PLCZ1: variants seen among roughly 807,000 people sequenced by gnomAD.
PLCZ1 encodes the protein 1-phosphatidylinositol 4,5-bisphosphate phosphodiesterase zeta-1.
Under a neutral mutation model 76.8 loss-of-function variants are expected in PLCZ1, and 64 were observed. That is an observed-to-expected ratio of 0.83 (90% CI 0.68 to 1.03). The LOEUF (loss-of-function observed/expected upper bound fraction) is 1.03. Among genes scored for constraint, PLCZ1 ranks in the 50% least tolerant of loss-of-function variants. PLCZ1 has a pLI of 0.00. For synonymous variants in PLCZ1, 248 were observed against 230.8 expected (o/e 1.07, Z -0.68); for missense variants, 751 against 713.7 (o/e 1.05, Z -0.60).
chr12:18,662,408 AC>A, the PLCZ1 span, among the ~76,000 whole-genome samples: 1 of 152,070 alleles, frequency 6.6e-6, no homozygotes, highest in Non-Finnish European at 1.5e-5. Context: ...TCCCAGATAA[AC>A]AAAAGCTGAG....
At chr12:18,680,416 A>G (rs1952302048), downstream of PLCZ1, among the ~76,000 whole-genome samples, 1 of 151,942 alleles carries the variant, frequency 6.6e-6, no homozygotes, top group African/African-American at 2.4e-5. Context: ...TTACAGCTAC[A>G]GGGAAGCTTC....
In PLCZ1 at chr12:18,733,949, G is replaced by T. The variant is rs186053283; in HGVS notation, c.135+2272C>A. Among the ~76,000 whole-genome samples, 658 of 152,014 alleles carry T rather than the reference G, an allele frequency of 4.3e-3. 6 individuals carry two copies. The highest frequency in any genetic ancestry group is 0.015 in the African/African-American group (628 of 41,476). On this transcript the variant is annotated intron_variant, in intron 3 of 14. Transcript: ENST00000266505. The stretch of plus-strand genomic sequence containing the variant: ...TTTAAGATTGGTTTTGGTTATTCAG[G>T]GTCTTTTTTGATTCCAATATGAATT...
chr12:18,663,306 G>T, the PLCZ1 span, among the ~76,000 whole-genome samples: 1 of 152,002 alleles, frequency 6.6e-6, no homozygotes, highest in African/African-American at 2.4e-5. Flanking sequence ...CAGATAATAC[G>T]ATCCTGTTTT....
the PLCZ1 span, among the ~76,000 whole-genome samples, chr12:18,666,812 A>T: frequency 6.6e-6 from 1 of 152,218 alleles, no homozygotes; most frequent in Non-Finnish European, 1.5e-5. Context: ...ATTAGGTTAC[A>T]GATGATAGTC....
At chr12:18,737,328 G>T in intron 2 of PLCZ1, 33 bp downstream of exon 2, 1 of 1,603,066 alleles carries the variant, frequency 6.2e-7, no homozygotes, top group Non-Finnish European at 8.5e-7. Flanking sequence ...GGAGAAAGAA[G>T]AAGAGGAGCA....
intron 7 of PLCZ1, among the ~76,000 whole-genome samples, chr12:18,703,234 A>G (rs1956172273): frequency 6.6e-6 from 1 of 152,208 alleles, no homozygotes; most frequent in African/African-American, 2.4e-5. Context: ...CTTATGCCAC[A>G]AAAGAACCGT....
rs963389514 is a variant in PLCZ1 at position 18,705,390 on chromosome 12, A to T, written c.715-75T>A. On this transcript the variant is annotated intron_variant, in intron 6 of 14. Transcript: ENST00000266505. ...TGTAAGGCAATTAATATAAGTGCTTAATGTATTTTAAAACTTACTTCTAAC... is the reference window on the plus strand; with the variant it reads ...TGTAAGGCAATTAATATAAGTGCTTTATGTATTTTAAAACTTACTTCTAAC... The T allele has an allele frequency of 7.1e-6, 11 of 1,539,652 alleles. No homozygotes were observed. In the African/African-American group the frequency reaches 1.4e-4, roughly 19 times the overall value.
the PLCZ1 span, among the ~76,000 whole-genome samples, chr12:18,676,151 A>G: frequency 2.0e-5 from 3 of 152,152 alleles, no homozygotes; most frequent in Admixed American, 6.6e-5. Context: ...AGAGACAGCT[A>G]GAAAATGGAC....
chr12:18,706,228 T>C (rs1211091269), intron 6 of PLCZ1, among the ~76,000 whole-genome samples: 15 of 149,526 alleles, frequency 1.0e-4, no homozygotes, highest in Admixed American at 8.7e-4. Context: ...TGAGACTCTG[T>C]CTCAAAAATA....
intron 13 of PLCZ1, among the ~76,000 whole-genome samples, chr12:18,684,688 C>A (rs192357832): frequency 2.9e-4 from 44 of 152,162 alleles, no homozygotes; most frequent in Non-Finnish European, 5.4e-4. Flanking sequence ...TTAGGCAATT[C>A]TTTAGCAAAT....
chr12:18,696,269 G>A lies in PLCZ1; in HGVS notation c.1175-3C>T. On this transcript the variant is annotated splice_polypyrimidine_tract_variant and splice_region_variant and intron_variant, in intron 10 of 14. Coordinates refer to ENST00000266505, the MANE Select transcript of PLCZ1 (RefSeq NM_033123.4). ...GGTGTGAAAAATAAACTCATGGACT[G>A]AAAAAGAATAATTAAAACATTGTGA... 1 of 1,386,984 alleles carries A rather than the reference G, an allele frequency of 7.2e-7. No individual in the cohort carries two copies. The highest frequency in any genetic ancestry group is 1.2e-5 in the South Asian group (1 of 80,904). 85.9% of individuals were successfully genotyped at this position (1,386,984 alleles called of 1,614,324 possible).
rs1334112989 is a variant in PLCZ1, at chr12:18,684,196, G to T, written c.1675C>A (p.Gln559Lys). 2 of 1,612,168 alleles carry T rather than the reference G, an allele frequency of 1.2e-6. No individual in the cohort carries two copies. The highest frequency in any genetic ancestry group is 1.7e-6 in the Non-Finnish European group (2 of 1,178,906). The change falls in exon 14 of 15, where the codon CAA becomes AAA. Residue 559 changes from glutamine to lysine, a missense_variant. Physicochemically the swap from Gln to Lys is moderately conservative, Grantham distance 53. Coordinates refer to ENST00000266505, the MANE Select transcript of PLCZ1 (RefSeq NM_033123.4). The part of the protein sequence containing the change: ...LALIRFVVEG[Q>K]GLIAGNEFLG... Reference sequence around the variant, plus strand: ...AATTCATTTCCTGCTATTAAACCTTGACCTTCAACAACAAAACGTATCAAT... The same window carrying T: ...AATTCATTTCCTGCTATTAAACCTTTACCTTCAACAACAAAACGTATCAAT...
chr12:18,716,736 A>T (rs1011881189), intron 5 of PLCZ1, among the ~76,000 whole-genome samples: 7 of 152,146 alleles, frequency 4.6e-5, no homozygotes, highest in Non-Finnish European at 8.8e-5. Context: ...TTTCCTTCAA[A>T]TACTTCCTAT....
chr12:18,708,476 C>T (rs914256099), intron 6 of PLCZ1, among the ~76,000 whole-genome samples: 2 of 152,140 alleles, frequency 1.3e-5, no homozygotes, highest in Non-Finnish European at 2.9e-5. Context: ...AACACTGCAG[C>T]ACAAAAACTT....
chr12:18,667,647 C>T, the PLCZ1 span, among the ~76,000 whole-genome samples: 1 of 152,066 alleles, frequency 6.6e-6, no homozygotes, highest in Non-Finnish European at 1.5e-5. Context: ...TTATTGAAGA[C>T]CCAGTTTGTA....
At chr12:18,711,812 A>C (rs1957382571) in intron 6 of PLCZ1, among the ~76,000 whole-genome samples, 1 of 152,028 alleles carries the variant, frequency 6.6e-6, no homozygotes, top group South Asian at 2.1e-4. Context: ...GTGTGAGTTC[A>C]AGAAAGAGAC....
intron 3 of PLCZ1, 41 bp downstream of exon 3, chr12:18,736,180 C>T: frequency 6.2e-7 from 1 of 1,601,288 alleles, no homozygotes; most frequent in Non-Finnish European, 8.5e-7. Context: ...GGATTAAGTT[C>T]CACCTAGGAT....
intron 2 of PLCZ1, 39 bp from the exon 3 acceptor site, chr12:18,736,383 G>C: frequency 6.3e-7 from 1 of 1,592,242 alleles, no homozygotes; most frequent in East Asian, 2.2e-5. Flanking sequence ...CTCACAGAAA[G>C]TCATTGAATA....
chr12:18,706,224 T>G (rs1376118475), intron 6 of PLCZ1, among the ~76,000 whole-genome samples: 1 of 150,366 alleles, frequency 6.7e-6, no homozygotes. Flanking sequence ...GGAATGAGAC[T>G]CTGTCTCAAA....
Sources: gnomAD v4.1 joint callset for allele counts (sites outside exome capture counted in the v4.1 genomes callset) on GRCh38, gnomAD v4.1.1 for gene constraint, MANE v1.5 for transcripts, NCBI Gene and HGNC (gene_info 2026-07-23, HGNC 2026-07-21) for gene names.